SHISA9: variants seen among roughly 807,000 people sequenced by gnomAD.
SHISA9 encodes the protein shisa family member 9.
In SHISA9, 13 loss-of-function variants were observed where a neutral mutation model predicts 38.0. The observed-to-expected ratio is 0.34, with a 90% confidence interval of 0.22 to 0.54. SHISA9 has a LOEUF of 0.54. Ranked by LOEUF, SHISA9 falls within the 20% of genes least tolerant of loss-of-function variation. The pLI is 0.91. For missense variants in SHISA9, 538 were observed against 575.8 expected, an observed-to-expected ratio of 0.93 and a Z score of 0.67; for synonymous variants, 275 against 242.0, an observed-to-expected ratio of 1.14 and a Z score of -1.27.
At chr16:13,532,332 G>A in the SHISA9 span, among the ~76,000 whole-genome samples, 3 of 152,174 alleles carry the variant, frequency 2.0e-5, no homozygotes, top group Non-Finnish European at 4.4e-5. Flanking sequence ...GGGGGATACA[G>A]GGATAAGAGC....
chr16:13,492,072 A>C, the SHISA9 span, among the ~76,000 whole-genome samples: 2 of 148,910 alleles, frequency 1.3e-5, no homozygotes, highest in East Asian at 3.9e-4. Flanking sequence ...TACCCACCTC[A>C]CTCCTCCTGC....
chr16:13,257,651 A>G, the SHISA9 span, among the ~76,000 whole-genome samples: 1 of 152,308 alleles, frequency 6.6e-6, no homozygotes, highest in South Asian at 2.1e-4. Flanking sequence ...TGGTTCTAAG[A>G]AATACTCCAC....
At chr16:13,313,688 G>C in the SHISA9 span, among the ~76,000 whole-genome samples, 1 of 152,122 alleles carries the variant, frequency 6.6e-6, no homozygotes, top group East Asian at 1.9e-4. Context: ...GAAGTGGAAA[G>C]GCTTGTAACA....
the SHISA9 span, among the ~76,000 whole-genome samples, chr16:13,293,232 A>G: frequency 3.9e-5 from 6 of 152,172 alleles, no homozygotes; most frequent in Non-Finnish European, 5.9e-5. Context: ...CTGACCCACA[A>G]CACACGCACG....
intron 2 of SHISA9, among the ~76,000 whole-genome samples, chr16:12,973,427 A>T (rs534141400): frequency 2.0e-5 from 3 of 152,296 alleles, no homozygotes; most frequent in African/African-American, 7.2e-5. Context: ...AACTTCCATA[A>T]AGATATAGGC....
the SHISA9 span, among the ~76,000 whole-genome samples, chr16:13,294,440 C>T: frequency 6.6e-6 from 1 of 152,200 alleles, no homozygotes; most frequent in African/African-American, 2.4e-5. Flanking sequence ...TGGGCTTTTC[C>T]TTCTCAATAG....
chr16:12,963,183 G>T (rs1202040704), intron 2 of SHISA9, among the ~76,000 whole-genome samples: 1 of 152,214 alleles, frequency 6.6e-6, no homozygotes, highest in Non-Finnish European at 1.5e-5. Context: ...GTTCTTAGTT[G>T]TCAGCTGACA....
chr16:13,508,684 GGT>G, the SHISA9 span, among the ~76,000 whole-genome samples: 1 of 151,976 alleles, frequency 6.6e-6, no homozygotes, highest in Non-Finnish European at 1.5e-5. Context: ...AAGCCTTTTG[GGT>G]ATATACAACG....
intron 2 of SHISA9, among the ~76,000 whole-genome samples, chr16:13,071,704 C>A (rs1282346522): frequency 1.3e-5 from 2 of 151,894 alleles, no homozygotes; most frequent in African/African-American, 4.8e-5. Context: ...GTGGCACGAT[C>A]TCAGGTTACT....
At chr16:13,217,277 CAAAAT>C (rs1229681671) in intron 4 of SHISA9, among the ~76,000 whole-genome samples, 1 of 151,838 alleles carries the variant, frequency 6.6e-6, no homozygotes, top group Non-Finnish European at 1.5e-5. Flanking sequence ...GACTCCGTCT[CAAAAT>C]AAATAAATAA....
At chr16:13,543,931 GC>G in the SHISA9 span, among the ~76,000 whole-genome samples, 1 of 152,080 alleles carries the variant, frequency 6.6e-6, no homozygotes, top group Non-Finnish European at 1.5e-5. Flanking sequence ...TCAGAGAATT[GC>G]AGGGCTAGGC....
At chr16:13,051,242 A>C (rs980953095) in intron 2 of SHISA9, among the ~76,000 whole-genome samples, 2 of 152,250 alleles carry the variant, frequency 1.3e-5, no homozygotes, top group African/African-American at 4.8e-5. Context: ...GAGTAAAGGC[A>C]CATCTAACAT....
intron 2 of SHISA9, among the ~76,000 whole-genome samples, chr16:12,930,358 T>C (rs189079065): frequency 1.3e-5 from 2 of 152,360 alleles, no homozygotes; most frequent in Admixed American, 6.5e-5. Flanking sequence ...AAATGCCAAG[T>C]TGAGTATCAA....
intron 2 of SHISA9, among the ~76,000 whole-genome samples, chr16:12,995,814 TA>T (rs1244670498): frequency 6.6e-6 from 1 of 152,248 alleles, no homozygotes; most frequent in Non-Finnish European, 1.5e-5. Context: ...GTGCTGCCTA[TA>T]TTGAGAGGCT....
chr16:13,302,660 C>T, the SHISA9 span, among the ~76,000 whole-genome samples: 11 of 152,212 alleles, frequency 7.2e-5, no homozygotes, highest in Non-Finnish European at 1.3e-4. Flanking sequence ...GGAATGGCCA[C>T]GGCCCACTTC....
the SHISA9 span, among the ~76,000 whole-genome samples, chr16:13,406,951 A>C: frequency 6.6e-6 from 1 of 151,510 alleles, no homozygotes; most frequent in Non-Finnish European, 1.5e-5. Context: ...GTCTGTAATC[A>C]CAGCTACTTG....
the SHISA9 span, among the ~76,000 whole-genome samples, chr16:13,561,262 T>C: frequency 1.3e-5 from 2 of 152,194 alleles, no homozygotes; most frequent in African/African-American, 4.8e-5. Flanking sequence ...TTAGAAGCGT[T>C]TGGCTTTTTC....
chr16:13,403,741 A>C, the SHISA9 span, among the ~76,000 whole-genome samples: 1 of 152,234 alleles, frequency 6.6e-6, no homozygotes, highest in Non-Finnish European at 1.5e-5. Context: ...ACGCCTTTCT[A>C]ATTCAGGGTC....
chr16:13,186,243 G>T (rs188698772), intron 2 of SHISA9, among the ~76,000 whole-genome samples: 15 of 147,372 alleles, frequency 1.0e-4, no homozygotes, highest in African/African-American at 3.2e-4. Context: ...GTGTGTATGT[G>T]TGAAATTGTG....
Sources: gnomAD v4.1 joint callset for allele counts (sites outside exome capture counted in the v4.1 genomes callset) on GRCh38, gnomAD v4.1.1 for gene constraint, MANE v1.5 for transcripts, NCBI Gene and HGNC (gene_info 2026-07-23, HGNC 2026-07-21) for gene names.